The following PALLD variants were observed in gnomAD, a reference collection of about 807,000 sequenced individuals.
PALLD encodes palladin.
In PALLD, 61 loss-of-function variants were observed where a neutral mutation model predicts 123.5. The ratio of observed to expected loss-of-function variants is 0.49; its 90% CI spans 0.40 to 0.61. The LOEUF is 0.61. Among genes scored for constraint, PALLD ranks in the 20% least tolerant of loss-of-function variants. PALLD has a pLI of 0.00. For synonymous variants in PALLD, 465 were observed against 496.4 expected (o/e 0.94, Z 0.84); for missense variants, 1,273 against 1,377.0 (o/e 0.92, Z 1.20).
chr4:168,738,432 T>C (rs954674913), intron 10 of PALLD, among the ~76,000 whole-genome samples: 3 of 152,058 alleles, frequency 2.0e-5, no homozygotes, highest in African/African-American at 7.2e-5. Flanking sequence ...CTTTTCATTT[T>C]TTATTTTTAT....
At chr4:168,865,127 C>G (rs1750071228) in intron 10 of PALLD, among the ~76,000 whole-genome samples, 1 of 152,224 alleles carries the variant, frequency 6.6e-6, no homozygotes, top group African/African-American at 2.4e-5. Flanking sequence ...TGGTGCTGCC[C>G]CCTGAGGGGA....
chr4:168,741,625 A>G (rs1306530242), intron 10 of PALLD, among the ~76,000 whole-genome samples: 1 of 152,198 alleles, frequency 6.6e-6, no homozygotes, highest in Non-Finnish European at 1.5e-5. Flanking sequence ...TCAAGGCTGC[A>G]GTGAGCTATG....
At chr4:168,908,646 G>C (rs1438194988) in intron 15 of PALLD, among the ~76,000 whole-genome samples, 1 of 151,770 alleles carries the variant, frequency 6.6e-6, no homozygotes, top group Non-Finnish European at 1.5e-5. Context: ...TTTGAGTTTA[G>C]AAAAAAAAGT....
chr4:168,763,654 G>A (rs1733259800), intron 10 of PALLD, among the ~76,000 whole-genome samples: 1 of 152,202 alleles, frequency 6.6e-6, no homozygotes, highest in Admixed American at 6.5e-5. Flanking sequence ...GGGACAAGCT[G>A]ACTTCTACTC....
At chr4:168,585,447 AC>A (rs1177848291) in intron 2 of PALLD, among the ~76,000 whole-genome samples, 1 of 152,160 alleles carries the variant, frequency 6.6e-6, no homozygotes, top group Admixed American at 6.6e-5. Context: ...GAGATTTGCA[AC>A]CAGCCTTATG....
chr4:168,671,026 G>GA (rs10686554), intron 3 of PALLD, among the ~76,000 whole-genome samples: 125,754 of 148,556 alleles, frequency 0.85, 53,590 homozygotes, highest in Middle Eastern at 0.92. Flanking sequence ...TCAAAAAAAA[G>GA]AAAAAAAAAA....
chr4:168,656,588 C>T (rs574755154), intron 2 of PALLD, among the ~76,000 whole-genome samples: 27 of 152,118 alleles, frequency 1.8e-4, no homozygotes, highest in African/African-American at 6.0e-4. Context: ...GACAACTGCC[C>T]ATCCTAGTTT....
At chr4:168,809,836 C>G (rs1415549318) in intron 10 of PALLD, among the ~76,000 whole-genome samples, 2 of 149,210 alleles carry the variant, frequency 1.3e-5, no homozygotes, top group African/African-American at 5.0e-5. Flanking sequence ...TGCACTCCAG[C>G]CTGGGTGACA....
At chr4:168,883,570 A>G (rs1321208270) in intron 10 of PALLD, among the ~76,000 whole-genome samples, 1 of 152,242 alleles carries the variant, frequency 6.6e-6, no homozygotes, top group Non-Finnish European at 1.5e-5. Context: ...CTGCAATAGC[A>G]TATCAAGGGA....
intron 10 of PALLD, 122 bp downstream of exon 10, chr4:168,712,045 T>C (rs1784883817): frequency 1.3e-5 from 10 of 763,252 alleles, no homozygotes; most frequent in Non-Finnish European, 2.3e-5. Context: ...TCATGGGACC[T>C]TGCTGCCAAG....
intron 10 of PALLD, among the ~76,000 whole-genome samples, chr4:168,794,532 A>G (rs1464833633): frequency 1.3e-5 from 2 of 150,298 alleles, no homozygotes. Context: ...ACACACACAC[A>G]CACACACCCC....
intron 2 of PALLD, among the ~76,000 whole-genome samples, chr4:168,604,122 A>C (rs1244831597): frequency 6.6e-6 from 1 of 152,220 alleles, no homozygotes; most frequent in Non-Finnish European, 1.5e-5. Flanking sequence ...AGTGAGAAAC[A>C]AGAAGGGAAA....
chr4:168,527,477 C>T (rs9312333), intron 2 of PALLD, among the ~76,000 whole-genome samples: 104,561 of 146,240 alleles, frequency 0.71, 37,531 homozygotes, highest in East Asian at 0.86. Flanking sequence ...CTTAAAACTT[C>T]GAGTAGGATA....
In PALLD at chr4:168,915,991, T is replaced by A. The variant is rs1403623266; in HGVS notation, c.2814T>A (p.Thr938=). Residue 938 remains threonine (T), a synonymous_variant, in exon 17 of 22, where the codon ACT becomes ACA. Coordinates refer to ENST00000505667, the MANE Select transcript of PALLD (RefSeq NM_001166108.2). ...TCTTGCAGGCTCCTGGAGATCTGAC[T>A]GTTCAAGAAGGAAAACTCTGCAGAA... ...PHFLQAPGDL[T]VQEGKLCRMD... The A allele has an allele frequency of 9.3e-6, 15 of 1,613,990 alleles. No homozygotes were observed. The highest frequency in any genetic ancestry group is 1.3e-5 in the Non-Finnish European group (15 of 1,179,852).
chr4:168,690,833 A>C, intron 7 of PALLD, 89 bp downstream of exon 7: 2 of 1,288,844 alleles, frequency 1.6e-6, no homozygotes, highest in Non-Finnish European at 2.3e-6. Context: ...ATTAAGATGA[A>C]TTGATCTCTA....
At chr4:168,545,792 T>C (rs1187777538) in intron 2 of PALLD, among the ~76,000 whole-genome samples, 1 of 152,168 alleles carries the variant, frequency 6.6e-6, no homozygotes. Context: ...TTACATAATG[T>C]CAGTTTATCA....
At chr4:168,602,166 C>G (rs1772733715) in intron 2 of PALLD, among the ~76,000 whole-genome samples, 1 of 152,164 alleles carries the variant, frequency 6.6e-6, no homozygotes, top group South Asian at 2.1e-4. Flanking sequence ...GCGTCAAAAA[C>G]CCTTCAGGGT....
chr4:168,620,291 C>A (rs1037842349), intron 2 of PALLD, among the ~76,000 whole-genome samples: 2 of 152,242 alleles, frequency 1.3e-5, no homozygotes, highest in East Asian at 3.9e-4. Flanking sequence ...CCTGTCTCTA[C>A]TAAAAATACA....
chr4:168,692,074 A>G (rs994954367), intron 8 of PALLD, among the ~76,000 whole-genome samples: 4 of 152,008 alleles, frequency 2.6e-5, no homozygotes, highest in African/African-American at 9.7e-5. Flanking sequence ...AAAACAAGTC[A>G]TTTTCCTGTT....
Sources: gnomAD v4.1 joint callset for allele counts (sites outside exome capture counted in the v4.1 genomes callset) on GRCh38, gnomAD v4.1.1 for gene constraint, MANE v1.5 for transcripts, NCBI Gene and HGNC (gene_info 2026-07-23, HGNC 2026-07-21) for gene names.